IQGAP2: variants seen among roughly 807,000 people sequenced by gnomAD.
IQGAP2 encodes ras GTPase-activating-like protein IQGAP2.
Under a neutral mutation model 201.3 loss-of-function variants are expected in IQGAP2, and 173 were observed. The observed-to-expected ratio is 0.86, with a 90% CI of 0.76 to 0.98. IQGAP2 has a LOEUF of 0.98. IQGAP2 is among the 50% of genes least tolerant of loss of function. IQGAP2 has a pLI of 0.00. For missense variants in IQGAP2, 1,687 were observed against 1,864.8 expected, an observed-to-expected ratio of 0.90 and a Z score of 1.76; for synonymous variants, 675 against 673.9, an observed-to-expected ratio of 1.00 and a Z score of -0.03.
At position 76,677,262 on chromosome 5, in the gene IQGAP2, A is replaced by C. The variant is rs962730066; in HGVS notation, c.3572A>C (p.Lys1191Thr). The C allele has an allele frequency of 1.1e-5, 17 of 1,613,320 alleles. No homozygotes were observed. Residue 1191 changes from lysine to threonine, a missense_variant, in exon 28 of 36, where the codon AAG (lysine) becomes ACG (threonine). Physicochemically the swap from Lys to Thr is moderately conservative, Grantham distance 78. Coordinates refer to ENST00000274364, the MANE Select transcript of IQGAP2 (RefSeq NM_006633.5). Reference protein sequence around the residue: ...EACNVPEPEEKFNMDKYTDLV... With the variant: ...EACNVPEPEETFNMDKYTDLV... ...TGTAATGTCCCTGAGCCAGAAGAGA[A>C]GTTTAATATGGACAAATACACAGAC...
intron 1 of IQGAP2, among the ~76,000 whole-genome samples, chr5:76,443,808 G>T (rs530034944): frequency 6.6e-6 from 1 of 152,148 alleles, no homozygotes; most frequent in Non-Finnish European, 1.5e-5. Context: ...TGAAGTTTTA[G>T]CACATTTATT....
Position 76,577,347 on chromosome 5 carries a change from T to C in IQGAP2, c.458+1578T>C, listed in dbSNP as rs181420474. The stretch of plus-strand genomic sequence containing the variant: ...GCTTGGTAAACAAAGAAAAAACAAC[T>C]TTTTGTTTATTATTACCAATTGTAT... On this transcript the variant is annotated intron_variant, in intron 5 of 35. Transcript: ENST00000274364. 9.2e-4 allele frequency among the ~76,000 whole-genome samples: 140 copies of C among 152,310 alleles called. 1 individual carries two copies. Among genetic ancestry groups the C allele is most frequent in the Admixed American group, 5.4e-3 (83 of 15,286 alleles).
At chr5:76,455,341 T>C (rs540333704) in intron 1 of IQGAP2, among the ~76,000 whole-genome samples, 32 of 151,004 alleles carry the variant, frequency 2.1e-4, no homozygotes, top group African/African-American at 7.8e-4. Context: ...TAGTCCCAGC[T>C]ACTTGAGAGG....
At chr5:76,603,752 A>G (rs1747596779) in intron 11 of IQGAP2, among the ~76,000 whole-genome samples, 1 of 152,160 alleles carries the variant, frequency 6.6e-6, no homozygotes, top group African/African-American at 2.4e-5. Context: ...CTGCTGAACT[A>G]AATTGGATTA....
intron 1 of IQGAP2, among the ~76,000 whole-genome samples, chr5:76,423,591 A>G (rs1168054016): frequency 2.0e-5 from 3 of 152,252 alleles, no homozygotes; most frequent in Non-Finnish European, 4.4e-5. Flanking sequence ...ACTGCACTCT[A>G]GCCTGGGCGA....
intron 2 of IQGAP2, among the ~76,000 whole-genome samples, chr5:76,538,902 G>C (rs1215880255): frequency 6.6e-6 from 1 of 152,186 alleles, no homozygotes; most frequent in African/African-American, 2.4e-5. Context: ...CGGAGTTGGT[G>C]GTGAGAAAGT....
At chr5:76,508,499 A>AGG (rs1757746519) in intron 2 of IQGAP2, among the ~76,000 whole-genome samples, 1 of 152,140 alleles carries the variant, frequency 6.6e-6, no homozygotes, top group African/African-American at 2.4e-5. Flanking sequence ...GCTGGTACAG[A>AGG]GGGTGGCTTC....
rs541230249 is a variant in IQGAP2 at position 76,448,129 on chromosome 5, G to A, written c.47-13441G>A. Among the ~76,000 whole-genome samples, 8 of 152,260 alleles carry A rather than the reference G, an allele frequency of 5.3e-5. No individual in the cohort carries two copies. The South Asian group carries it at 8.3e-4, about 16-fold the overall frequency. ...GTCAGACTGCTGCATGGCTGTGCTCGCCATGTGTCATCTGTGATCTTGGAC... is the reference window on the plus strand; with the variant it reads ...GTCAGACTGCTGCATGGCTGTGCTCACCATGTGTCATCTGTGATCTTGGAC... On this transcript the variant is annotated intron_variant, in intron 1 of 35. Transcript: ENST00000274364.
intron 24 of IQGAP2, 89 bp from the exon 25 acceptor site, chr5:76,673,360 A>C (rs1237605309): frequency 2.9e-6 from 4 of 1,390,660 alleles, no homozygotes; most frequent in Non-Finnish European, 3.9e-6. Context: ...CCAATTCACT[A>C]TACAAAGCTT....
chr5:76,620,167 G>A (rs754072540), intron 13 of IQGAP2, among the ~76,000 whole-genome samples: 20 of 152,166 alleles, frequency 1.3e-4, no homozygotes, highest in South Asian at 4.2e-4. Flanking sequence ...GAATATAGCC[G>A]TTATTTTGAC....
chr5:76,588,789 T>A, intron 5 of IQGAP2, 117 bp from the exon 6 acceptor site: 2 of 468,492 alleles, frequency 4.3e-6, no homozygotes, highest in South Asian at 6.3e-5. Flanking sequence ...ACAAAATGAA[T>A]AGACTAGATA....
At chr5:76,578,810 G>A (rs1217138243) in intron 5 of IQGAP2, among the ~76,000 whole-genome samples, 1 of 150,830 alleles carries the variant, frequency 6.6e-6, no homozygotes, top group Non-Finnish European at 1.5e-5. Context: ...CGTATGGCAT[G>A]TTTTACTTTT....
intron 33 of IQGAP2, among the ~76,000 whole-genome samples, chr5:76,699,046 C>G (rs906393056): frequency 6.6e-6 from 1 of 152,078 alleles, no homozygotes; most frequent in African/African-American, 2.4e-5. Flanking sequence ...TAGCTATATT[C>G]ACCACACTGT....
chr5:76,442,698 C>T (rs896210152), intron 1 of IQGAP2, among the ~76,000 whole-genome samples: 3 of 152,136 alleles, frequency 2.0e-5, no homozygotes, highest in African/African-American at 7.2e-5. Flanking sequence ...TTTAAAATCA[C>T]TTAACAGGCT....
chr5:76,548,516 T>A (rs1743236135), intron 2 of IQGAP2, among the ~76,000 whole-genome samples: 1 of 152,218 alleles, frequency 6.6e-6, no homozygotes, highest in South Asian at 2.1e-4. Flanking sequence ...ACCCTATTAA[T>A]CTTAAGTGAT....
chr5:76,581,751 G>C (rs774821742), intron 5 of IQGAP2, among the ~76,000 whole-genome samples: 1 of 152,144 alleles, frequency 6.6e-6, no homozygotes, highest in Non-Finnish European at 1.5e-5. Context: ...TTGGTTTGGG[G>C]CTGAAAATTA....
At chr5:76,559,168 T>C (rs1411760317) in intron 2 of IQGAP2, among the ~76,000 whole-genome samples, 1 of 152,202 alleles carries the variant, frequency 6.6e-6, no homozygotes, top group Non-Finnish European at 1.5e-5. Flanking sequence ...CCCAAAGTGA[T>C]GGGATTACAG....
intron 4 of IQGAP2, 149 bp downstream of exon 4, chr5:76,570,806 A>G (rs1561472408): frequency 4.8e-6 from 3 of 626,082 alleles, no homozygotes; most frequent in Non-Finnish European, 8.5e-6. Context: ...ACCTATCCAA[A>G]GTAACATATG....
chr5:76,487,194 G>A (rs969151084), intron 2 of IQGAP2, among the ~76,000 whole-genome samples: 8 of 151,704 alleles, frequency 5.3e-5, no homozygotes, highest in African/African-American at 1.7e-4. Flanking sequence ...CGCCTCCCAG[G>A]TTCAAGCAGT....
Sources: allele counts gnomAD v4.1 joint callset (sites outside exome capture counted in the v4.1 genomes callset), GRCh38; gene constraint gnomAD v4.1.1; transcripts MANE v1.5; gene names NCBI Gene and HGNC (gene_info 2026-07-23, HGNC 2026-07-21).